The following PHF20 variants were observed in gnomAD, a reference collection of about 807,000 sequenced individuals.
PHF20 encodes glioma-expressed antigen 2.
PHF20 carries 23 observed loss-of-function variants against 113.5 expected under a neutral mutation model. The ratio of observed to expected loss-of-function variants is 0.20; its 90% confidence interval spans 0.15 to 0.29. PHF20 has a LOEUF of 0.29. PHF20 is among the 10% of genes least tolerant of loss of function. The pLI is 1.00. For synonymous variants in PHF20, 434 were observed against 457.3 expected (o/e 0.95, Z 0.65); for missense variants, 943 against 1,219.6 (o/e 0.77, Z 3.38).
chr20:35,801,664 G>C, intron 2 of PHF20, 59 bp downstream of exon 2: 3 of 1,104,174 alleles, frequency 2.7e-6, no homozygotes, highest in Non-Finnish European at 4.1e-6. Context: ...TGCCAGCACT[G>C]ATAGAGTGGT....
intron 10 of PHF20, 101 bp downstream of exon 10, chr20:35,899,749 C>G: frequency 8.1e-7 from 1 of 1,227,048 alleles, no homozygotes; most frequent in Non-Finnish European, 1.2e-6. Context: ...TTTGTCTGTT[C>G]CAGTTGAATC....
intron 9 of PHF20, among the ~76,000 whole-genome samples, chr20:35,873,095 C>T (rs2054451355): frequency 6.7e-6 from 1 of 148,810 alleles, no homozygotes; most frequent in African/African-American, 2.5e-5. Context: ...TAGATGCATA[C>T]ACATTTATAA....
intron 13 of PHF20, among the ~76,000 whole-genome samples, chr20:35,923,455 T>C (rs2055559217): frequency 6.6e-6 from 1 of 152,156 alleles, no homozygotes; most frequent in Non-Finnish European, 1.5e-5. Context: ...TAAATAAAAA[T>C]TAAGTAAATA....
At chr20:35,947,337 CCCTTCCTCCCTTGCCCCATGGAGGCTGA>C in intron 17 of PHF20, 120 bp from the exon 18 acceptor site, 3 of 671,070 alleles carry the variant, frequency 4.5e-6, no homozygotes, top group South Asian at 2.4e-5. Context: ...GCTGAAATGG[CCCTTCCTCCCTTGCCCCATGGAGGCTGA>C]AATGGCCCTT....
intron 1 of PHF20, among the ~76,000 whole-genome samples, chr20:35,787,154 GCTAA>G (rs1243775682): frequency 8.8e-6 from 1 of 113,260 alleles, no homozygotes; most frequent in Non-Finnish European, 1.8e-5. Context: ...ACTGTGCCTG[GCTAA>G]TTATTTATTT....
intron 2 of PHF20, among the ~76,000 whole-genome samples, chr20:35,828,313 C>T (rs566948975): frequency 3.9e-5 from 6 of 152,212 alleles, no homozygotes; most frequent in Non-Finnish European, 5.9e-5. Flanking sequence ...TGTGAGCCAC[C>T]GCGCCCAGCC....
rs1004367948 is a variant in PHF20 at position 35,850,241 on chromosome 20, C to A, written c.340+2807C>A. On this transcript the variant is annotated intron_variant, in intron 4 of 17. Coordinates refer to ENST00000374012, the MANE Select transcript of PHF20 (RefSeq NM_016436.5). Reference sequence around the variant, plus strand: ...TTTCAGGGAATCTTTGTTTGGAAGCCATCTCTGGTGAGCTGACCTCACCTC... The same window carrying A: ...TTTCAGGGAATCTTTGTTTGGAAGCAATCTCTGGTGAGCTGACCTCACCTC... Among the ~76,000 whole-genome samples, 18 of 149,114 alleles carry A rather than the reference C, an allele frequency of 1.2e-4. No individual in the cohort carries two copies. The Admixed American group carries it at 1.2e-3, about 10-fold the overall frequency.
intron 2 of PHF20, among the ~76,000 whole-genome samples, chr20:35,806,043 T>G (rs565775327): frequency 5.3e-5 from 8 of 152,156 alleles, no homozygotes; most frequent in Admixed American, 3.3e-4. Context: ...TTTTGTATTT[T>G]TAGTAGAGAC....
At chr20:35,813,467 T>C (rs2042012548) in intron 2 of PHF20, among the ~76,000 whole-genome samples, 1 of 152,198 alleles carries the variant, frequency 6.6e-6, no homozygotes, top group Admixed American at 6.5e-5. Context: ...CTGGCACTAC[T>C]AGAAACCCCA....
intron 7 of PHF20, among the ~76,000 whole-genome samples, chr20:35,870,093 G>T (rs1021725855): frequency 6.6e-6 from 1 of 151,490 alleles, no homozygotes; most frequent in African/African-American, 2.4e-5. Flanking sequence ...TCATGAGGAC[G>T]GGAGATTGAG....
rs1179661049 is a variant in PHF20 at position 35,826,553 on chromosome 20, AG to A, written c.84-16015del. Among the ~76,000 whole-genome samples, 3 of 152,200 alleles carry A rather than the reference AG, an allele frequency of 2.0e-5. No individual in the cohort carries two copies. The East Asian group carries it at 5.8e-4, about 29-fold the overall frequency. Reference sequence around the variant, plus strand: ...AGAAGATTTCCAGGAAGAGAGTGGCAGGGGGAGAAGGCAGAAGGAATAACAT... The same window carrying A: ...AGAAGATTTCCAGGAAGAGAGTGGCAGGGGAGAAGGCAGAAGGAATAACAT... On this transcript the variant is annotated intron_variant, in intron 2 of 17. Transcript: ENST00000374012.
At chr20:35,803,704 G>GTGTA (rs149989446) in intron 2 of PHF20, among the ~76,000 whole-genome samples, 1,674 of 149,748 alleles carry the variant, frequency 0.011, 28 homozygotes, top group East Asian at 0.038. Context: ...GTGTGTGTGT[G>GTGTA]TATATATATA....
At chr20:35,819,596 G>T (rs2042133867) in intron 2 of PHF20, among the ~76,000 whole-genome samples, 1 of 151,872 alleles carries the variant, frequency 6.6e-6, no homozygotes, top group Admixed American at 6.6e-5. Flanking sequence ...AGGGTTATTT[G>T]TACTGATCTC....
intron 4 of PHF20, chr20:35,849,328 G>A: frequency 2.4e-6 from 1 of 410,776 alleles, no homozygotes; most frequent in South Asian, 1.9e-5. Context: ...GGCAATGAAG[G>A]CTTAGTAATC....
intron 7 of PHF20, among the ~76,000 whole-genome samples, chr20:35,870,751 A>T (rs966644762): frequency 6.6e-6 from 1 of 152,142 alleles, no homozygotes; most frequent in African/African-American, 2.4e-5. Flanking sequence ...ATCCTTAAAG[A>T]AGTGAAATTC....
chr20:35,793,502 A>G (rs745678416), intron 1 of PHF20, among the ~76,000 whole-genome samples: 28 of 149,768 alleles, frequency 1.9e-4, no homozygotes, highest in Non-Finnish European at 3.6e-4. Flanking sequence ...GTTTCACCAT[A>G]TTGGCCAGGC....
At chr20:35,886,638 C>T (rs570581567) in intron 9 of PHF20, among the ~76,000 whole-genome samples, 35 of 152,266 alleles carry the variant, frequency 2.3e-4, no homozygotes, top group African/African-American at 7.2e-4. Flanking sequence ...GCTCTTTTCC[C>T]CTGGCTGGAG....
intron 9 of PHF20, among the ~76,000 whole-genome samples, chr20:35,885,278 A>G (rs574608555): frequency 6.6e-6 from 1 of 152,244 alleles, no homozygotes; most frequent in East Asian, 1.9e-4. Context: ...CACCTTTTAA[A>G]AACTTTGCCA....
intron 2 of PHF20, among the ~76,000 whole-genome samples, chr20:35,808,628 C>G (rs1191183916): frequency 6.6e-6 from 1 of 151,904 alleles, no homozygotes; most frequent in East Asian, 1.9e-4. Context: ...GGCTGGAGTG[C>G]AGTGGTGCAT....
Sources: allele counts gnomAD v4.1 joint callset (sites outside exome capture counted in the v4.1 genomes callset), GRCh38; gene constraint gnomAD v4.1.1; transcripts MANE v1.5; gene names NCBI Gene and HGNC (gene_info 2026-07-23, HGNC 2026-07-21).